DLG1: variants seen among roughly 807,000 people sequenced by gnomAD.
The protein encoded by DLG1 is disks large homolog 1.
In DLG1, 42 loss-of-function variants were observed where a neutral mutation model predicts 123.4. The ratio of observed to expected loss-of-function variants is 0.34; its 90% CI spans 0.27 to 0.44. The LOEUF (loss-of-function observed/expected upper bound fraction) is 0.44, where lower values mean the gene tolerates loss of function less well. Ranked by LOEUF, DLG1 falls within the 20% of genes least tolerant of loss-of-function variation. DLG1 has a pLI of 1.00. For synonymous variants in DLG1, 317 were observed against 356.2 expected, an observed-to-expected ratio of 0.89 and a Z score of 1.24; for missense variants, 942 against 1,082.6, an observed-to-expected ratio of 0.87 and a Z score of 1.82.
rs143465836 is a variant in DLG1, at chr3:197,082,230, C to A, written c.1839-1113G>T. On this transcript the variant is annotated intron_variant, in intron 16 of 24. Coordinates refer to ENST00000667157, the MANE Select transcript of DLG1 (RefSeq NM_001366207.1). The stretch of plus-strand genomic sequence containing the variant: ...ACTAAAAATATAAAAATTAGCTGGG[C>A]GCAGTGGCGGGTGCCTGTAATCCCA... 2.1e-3 allele frequency among the ~76,000 whole-genome samples: 314 copies of A among 152,118 alleles called. 5 individuals carry two copies. The highest frequency in any genetic ancestry group is 7.3e-3 in the African/African-American group (301 of 41,506).
chr3:197,293,570 A>G (rs181431001), intron 3 of DLG1, among the ~76,000 whole-genome samples: 98 of 152,292 alleles, frequency 6.4e-4, no homozygotes, highest in Non-Finnish European at 1.1e-3. Context: ...GAATAATCCA[A>G]AAGTACAGGA....
intron 4 of DLG1, among the ~76,000 whole-genome samples, chr3:197,259,615 G>A (rs1279023722): frequency 7.2e-5 from 11 of 152,072 alleles, no homozygotes; most frequent in African/African-American, 1.9e-4. Flanking sequence ...ATGTAAGCAC[G>A]CTGAATCTAT....
chr3:197,126,336 C>T (rs965820602), intron 11 of DLG1, among the ~76,000 whole-genome samples: 2 of 151,760 alleles, frequency 1.3e-5, no homozygotes, highest in African/African-American at 2.4e-5. Flanking sequence ...ATTAGCAGGG[C>T]GTGGTGGCGC....
At chr3:197,075,367 A>ATT (rs1011455275) in intron 18 of DLG1, among the ~76,000 whole-genome samples, 1 of 127,654 alleles carries the variant, frequency 7.8e-6, no homozygotes, top group African/African-American at 2.6e-5. Flanking sequence ...TCCCCTCAAT[A>ATT]AACTGCTACT....
At chr3:197,282,586 G>C in intron 4 of DLG1, 93 bp downstream of exon 4, 1 of 825,280 alleles carries the variant, frequency 1.2e-6, no homozygotes, top group East Asian at 3.2e-5. Flanking sequence ...AAATCCACTT[G>C]TATAAAATAT....
chr3:197,165,728 T>G (rs1186369063), intron 5 of DLG1, among the ~76,000 whole-genome samples: 1 of 152,196 alleles, frequency 6.6e-6, no homozygotes, highest in Non-Finnish European at 1.5e-5. Flanking sequence ...GGTTCTGACT[T>G]CTGATTTATG....
At chr3:197,120,991 T>C (rs1186690129) in intron 11 of DLG1, among the ~76,000 whole-genome samples, 4 of 152,168 alleles carry the variant, frequency 2.6e-5, no homozygotes, top group African/African-American at 4.8e-5. Flanking sequence ...ACCTCTACAA[T>C]CACTAGCCTG....
At chr3:197,052,976 G>T (rs1023331324) in intron 23 of DLG1, among the ~76,000 whole-genome samples, 1 of 152,176 alleles carries the variant, frequency 6.6e-6, no homozygotes, top group African/African-American at 2.4e-5. Flanking sequence ...TTTTAAGTAT[G>T]ATAATCAGTG....
chr3:197,181,936 T>C (rs563595323), intron 5 of DLG1, among the ~76,000 whole-genome samples: 62 of 152,308 alleles, frequency 4.1e-4, no homozygotes, highest in African/African-American at 1.3e-3. Context: ...ATGACTCTCT[T>C]CTGGCGCAAT....
At chr3:197,144,284 G>A (rs1296337766) in intron 6 of DLG1, among the ~76,000 whole-genome samples, 1 of 152,030 alleles carries the variant, frequency 6.6e-6, no homozygotes, top group Non-Finnish European at 1.5e-5. Context: ...ATTTTCTTTA[G>A]AACCCAGCAG....
chr3:197,171,116 C>T (rs1016459484), intron 5 of DLG1, among the ~76,000 whole-genome samples: 5 of 151,930 alleles, frequency 3.3e-5, no homozygotes, highest in African/African-American at 4.8e-5. Context: ...TGTAATGTGG[C>T]ATGTTTCTCT....
At chr3:197,141,484 G>C (rs183297217) in intron 7 of DLG1, among the ~76,000 whole-genome samples, 4 of 152,172 alleles carry the variant, frequency 2.6e-5, no homozygotes, top group Non-Finnish European at 2.9e-5. Context: ...ACTTGAGCAA[G>C]TGATCCGAAT....
intron 3 of DLG1, 39 bp from the exon 4 acceptor site, chr3:197,282,884 T>C (rs889605166): frequency 2.3e-6 from 3 of 1,285,694 alleles, no homozygotes; most frequent in Non-Finnish European, 3.2e-6. Context: ...GTATTTATAT[T>C]TTCTAACTAA....
intron 23 of DLG1, among the ~76,000 whole-genome samples, chr3:197,054,412 T>C (rs565523637): frequency 1.4e-5 from 2 of 147,324 alleles, no homozygotes; most frequent in East Asian, 4.4e-4. Context: ...TTAGGCTCTG[T>C]TCACTTTTCT....
intron 14 of DLG1, among the ~76,000 whole-genome samples, chr3:197,099,860 A>T (rs1470960690): frequency 6.6e-6 from 1 of 152,224 alleles, no homozygotes; most frequent in Non-Finnish European, 1.5e-5. Flanking sequence ...TAAGAAGGCC[A>T]GTTAGTTGTT....
At chr3:197,232,543 A>G (rs1450156729) in intron 4 of DLG1, among the ~76,000 whole-genome samples, 2 of 152,156 alleles carry the variant, frequency 1.3e-5, no homozygotes, top group African/African-American at 2.4e-5. Flanking sequence ...AAACTTTGTT[A>G]TCATGGGTCT....
At chr3:197,249,411 C>T (rs1421664156) in intron 4 of DLG1, among the ~76,000 whole-genome samples, 1 of 151,938 alleles carries the variant, frequency 6.6e-6, no homozygotes, top group Non-Finnish European at 1.5e-5. Context: ...TAAAGTCTCC[C>T]ATTCCACTAA....
At chr3:197,229,643 T>G (rs866710020) in intron 4 of DLG1, among the ~76,000 whole-genome samples, 5 of 152,160 alleles carry the variant, frequency 3.3e-5, no homozygotes, top group African/African-American at 1.2e-4. Context: ...TATAAATACT[T>G]AGATAACAAA....
intron 13 of DLG1, among the ~76,000 whole-genome samples, chr3:197,114,490 A>ATT (rs1210627024): frequency 3.9e-4 from 60 of 152,248 alleles, no homozygotes; most frequent in African/African-American, 1.4e-3. Flanking sequence ...TCTAGATTGA[A>ATT]CTAACTTTTA....
Sources: allele counts gnomAD v4.1 joint callset (sites outside exome capture counted in the v4.1 genomes callset), GRCh38; gene constraint gnomAD v4.1.1; transcripts MANE v1.5; gene names NCBI Gene and HGNC (gene_info 2026-07-23, HGNC 2026-07-21).